UGT1A7: variants seen among roughly 807,000 people sequenced by gnomAD.
The protein encoded by UGT1A7 is UDP glucuronosyltransferase family 1 member A7.
UGT1A7 carries 33 observed loss-of-function variants against 45.6 expected under a neutral mutation model. That is an observed-to-expected ratio of 0.72 (90% CI 0.55 to 0.97). The LOEUF (loss-of-function observed/expected upper bound fraction) is 0.97. Among genes scored for constraint, UGT1A7 ranks in the 50% least tolerant of loss-of-function variants. The pLI is 0.00. For missense variants in UGT1A7, 684 were observed against 666.2 expected, an observed-to-expected ratio of 1.03 and a Z score of -0.29; for synonymous variants, 274 against 250.6, an observed-to-expected ratio of 1.09 and a Z score of -0.88.
At chr2:233,737,834 G>C (rs1690605119) in intron 1 of UGT1A7, among the ~76,000 whole-genome samples, 1 of 151,982 alleles carries the variant, frequency 6.6e-6, no homozygotes, top group Admixed American at 6.5e-5. Context: ...ATTGGGAACT[G>C]TGGCACAGGT....
chr2:233,728,683 G>A (rs1270712584), intron 1 of UGT1A7, among the ~76,000 whole-genome samples: 4 of 152,230 alleles, frequency 2.6e-5, no homozygotes, highest in African/African-American at 7.2e-5. Flanking sequence ...TGAGAAGAAA[G>A]TTTCAAGGGT....
chr2:233,690,304 A>G (rs2074984159), intron 1 of UGT1A7, among the ~76,000 whole-genome samples: 1 of 152,144 alleles, frequency 6.6e-6, no homozygotes, highest in Admixed American at 6.5e-5. Flanking sequence ...TCCTGGCTCC[A>G]TTACTTATGG....
At chr2:233,762,729 T>G (rs1012866470) in intron 1 of UGT1A7, among the ~76,000 whole-genome samples, 22 of 152,030 alleles carry the variant, frequency 1.4e-4, no homozygotes, top group Non-Finnish European at 3.2e-4. Context: ...TTTTTTTTTT[T>G]GGTCACTACT....
chr2:233,729,743 C>T (rs748913597), intron 1 of UGT1A7: 1 of 1,613,994 alleles, frequency 6.2e-7, no homozygotes, highest in Non-Finnish European at 8.5e-7. Context: ...GACCACATGA[C>T]ATTCATGCAA....
At chr2:233,717,333 C>A (rs1334785551) in intron 1 of UGT1A7, among the ~76,000 whole-genome samples, 1 of 152,204 alleles carries the variant, frequency 6.6e-6, no homozygotes, top group East Asian at 1.9e-4. Flanking sequence ...CCTCACAAAT[C>A]CCCAGAAATC....
intron 1 of UGT1A7, among the ~76,000 whole-genome samples, chr2:233,694,463 G>A (rs1428276750): frequency 6.6e-6 from 1 of 152,180 alleles, no homozygotes; most frequent in African/African-American, 2.4e-5. Flanking sequence ...TTCAGCAAAA[G>A]GGGTATGGCC....
intron 1 of UGT1A7, among the ~76,000 whole-genome samples, chr2:233,716,626 G>A (rs1294828995): frequency 6.6e-6 from 1 of 152,106 alleles, no homozygotes; most frequent in Non-Finnish European, 1.5e-5. Flanking sequence ...TTCTAGTGAA[G>A]TTTTTATCGT....
chr2:233,714,306 TAGAG>T (rs2076379080), intron 1 of UGT1A7, among the ~76,000 whole-genome samples: 3 of 152,124 alleles, frequency 2.0e-5, no homozygotes, highest in African/African-American at 7.2e-5. Context: ...TTGCAAAAGA[TAGAG>T]AGGTGACCAC....
intron 1 of UGT1A7, among the ~76,000 whole-genome samples, chr2:233,736,317 G>T (rs2078750401): frequency 6.6e-6 from 1 of 152,044 alleles, no homozygotes; most frequent in African/African-American, 2.4e-5. Flanking sequence ...ATTGAATTTT[G>T]TGCATGTGTT....
At chr2:233,760,728 C>T (rs1697540030) in intron 1 of UGT1A7, 1 of 1,614,064 alleles carries the variant, frequency 6.2e-7, no homozygotes, top group African/African-American at 1.3e-5. Context: ...GCTTTGATGT[C>T]ATGCTGACGG....
chr2:233,712,601 G>T (rs2076243424), intron 1 of UGT1A7, among the ~76,000 whole-genome samples: 1 of 152,202 alleles, frequency 6.6e-6, no homozygotes, highest in Non-Finnish European at 1.5e-5. Context: ...TATGGTTGGG[G>T]ACTAGGGCAA....
At chr2:233,688,707 CAA>C (rs2074910962) in intron 1 of UGT1A7, among the ~76,000 whole-genome samples, 1 of 152,136 alleles carries the variant, frequency 6.6e-6, no homozygotes, top group South Asian at 2.1e-4. Flanking sequence ...CTTCATTGAA[CAA>C]ATATCTGTTG....
intron 1 of UGT1A7, 32 bp downstream of exon 1, chr2:233,682,824 T>C: frequency 6.4e-7 from 1 of 1,565,700 alleles, no homozygotes; most frequent in Non-Finnish European, 8.6e-7. Flanking sequence ...ACATTAAGAA[T>C]AATCTGGCTT....
chr2:233,719,574 G>A (rs2076782937), intron 1 of UGT1A7: 1 of 1,613,926 alleles, frequency 6.2e-7, no homozygotes, highest in Non-Finnish European at 8.5e-7. Context: ...TGTCAGCTAT[G>A]CATCCGTGTG....
intron 1 of UGT1A7, chr2:233,748,159 A>T: frequency 6.3e-7 from 1 of 1,599,046 alleles, no homozygotes; most frequent in Non-Finnish European, 8.5e-7. Flanking sequence ...AATTGCTTCC[A>T]TATCTACTTA....
chr2:233,750,979 T>C (rs1345929720), intron 1 of UGT1A7, among the ~76,000 whole-genome samples: 3 of 151,782 alleles, frequency 2.0e-5, no homozygotes, highest in Admixed American at 6.5e-5. Context: ...AGTGGAGTTG[T>C]GAGAAGGCGG....
rs1311139649 is a variant in UGT1A7, at chr2:233,745,502, A to G, written c.856-21532A>G. 2.0e-5 allele frequency among the ~76,000 whole-genome samples: 3 copies of G among 151,662 alleles called. 1 individual carries two copies. The highest frequency in any genetic ancestry group is 7.3e-5 in the African/African-American group (3 of 40,986). On this transcript the variant is annotated intron_variant, in intron 1 of 4. Coordinates refer to ENST00000373426, the MANE Select transcript of UGT1A7 (RefSeq NM_019077.3). ...ACCAAAGAACATTCTAAGATTTCCT[A>G]TAGGGTATTAGGTCTAATGGGGATG...
Position 233,747,171 on chromosome 2 carries a change from A to G in UGT1A7, c.856-19863A>G, listed in dbSNP as rs1693579128. The G allele has an allele frequency of 1.1e-5, 18 of 1,596,132 alleles. No homozygotes were observed. In the South Asian group the frequency reaches 1.8e-4, roughly 16 times the overall value. ...GATGAAGAAAACAAATGTAGGAGGC[A>G]CAGCGTGGGGTGGACAGTCAGCTGT... On this transcript the variant is annotated intron_variant, in intron 1 of 4. Coordinates refer to ENST00000373426, the MANE Select transcript of UGT1A7 (RefSeq NM_019077.3).
chr2:233,716,287 C>T (rs1299471224), intron 1 of UGT1A7, among the ~76,000 whole-genome samples: 1 of 152,202 alleles, frequency 6.6e-6, no homozygotes, highest in African/African-American at 2.4e-5. Context: ...TTAATATAAT[C>T]ACATCTATAA....
Sources: gnomAD v4.1 joint callset for allele counts (sites outside exome capture counted in the v4.1 genomes callset) on GRCh38, gnomAD v4.1.1 for gene constraint, MANE v1.5 for transcripts, NCBI Gene and HGNC (gene_info 2026-07-23, HGNC 2026-07-21) for gene names.